Variants in ANK2 observed in about 807,000 individuals in gnomAD.
ANK2 encodes ankyrin-2.
Under a neutral mutation model 360.5 loss-of-function variants are expected in ANK2, and 83 were observed. The ratio of observed to expected loss-of-function variants is 0.23; its 90% CI spans 0.19 to 0.28. The LOEUF is 0.28. Among genes scored for constraint, ANK2 ranks in the 10% least tolerant of loss-of-function variants. The pLI, the probability that ANK2 is intolerant of heterozygous loss-of-function variation, is 1.00. For missense variants in ANK2, 4,201 were observed against 4,795.7 expected, an observed-to-expected ratio of 0.88 and a Z score of 3.66; for synonymous variants, 1,740 against 1,759.5, an observed-to-expected ratio of 0.99 and a Z score of 0.28.
chr4:113,336,401 T>C, intron 30 of ANK2, 176 bp from the exon 31 acceptor site: 1 of 662,988 alleles, frequency 1.5e-6, no homozygotes, highest in Non-Finnish European at 2.5e-6. Flanking sequence ...CTTACAAAAT[T>C]TTATGAGTGC....
chr4:113,022,984 A>G (rs961343744), intron 2 of ANK2, among the ~76,000 whole-genome samples: 1 of 152,126 alleles, frequency 6.6e-6, no homozygotes, highest in African/African-American at 2.4e-5. Context: ...AGTCAAAAAT[A>G]GGTTGAGTGT....
At position 113,244,063 on chromosome 4, in the gene ANK2, A is replaced by G. The variant is rs149850021; in HGVS notation, c.891+1854A>G. ...AAGTCTAACTCCAAATAGACAGTGT[A>G]TCTTCATAAAAAGAGTACTAAGAAA... On this transcript the variant is annotated intron_variant, in intron 9 of 45. Coordinates refer to ENST00000357077, the MANE Select transcript of ANK2 (RefSeq NM_001148.6). 4.0e-3 allele frequency among the ~76,000 whole-genome samples: 617 copies of G among 152,354 alleles called. 5 individuals carry two copies. The highest frequency in any genetic ancestry group is 0.014 in the African/African-American group (582 of 41,586).
the ANK2 span, among the ~76,000 whole-genome samples, chr4:112,730,252 C>CAAAAAA: frequency 7.9e-5 from 4 of 50,900 alleles, no homozygotes; most frequent in African/African-American, 8.4e-5. Flanking sequence ...GACTCTGTCT[C>CAAAAAA]AAAAAAAAAA....
intron 5 of ANK2, among the ~76,000 whole-genome samples, chr4:113,236,193 A>G (rs1361600851): frequency 6.6e-6 from 1 of 151,556 alleles, no homozygotes; most frequent in African/African-American, 2.4e-5. Context: ...TTTTTAATGT[A>G]CTTGTCACCT....
chr4:113,303,602 T>A (rs2075937502), intron 23 of ANK2, among the ~76,000 whole-genome samples: 1 of 152,192 alleles, frequency 6.6e-6, no homozygotes, highest in South Asian at 2.1e-4. Flanking sequence ...CTTTTCTTCA[T>A]TTTGTATTTT....
chr4:112,845,322 G>GT (rs34457976), intron 1 of ANK2, among the ~76,000 whole-genome samples: 72,218 of 147,626 alleles, frequency 0.49, 17,563 homozygotes, highest in Middle Eastern at 0.58. Flanking sequence ...GTACTTAGGT[G>GT]TTTTTTTTTT....
chr4:112,822,572 C>T (rs1012809383), intron 1 of ANK2, among the ~76,000 whole-genome samples: 1 of 151,546 alleles, frequency 6.6e-6, no homozygotes. Flanking sequence ...ATGACAAAAC[C>T]TTGTCTCTAC....
In ANK2 at chr4:113,292,526, G is replaced by C. The variant is rs527573146; in HGVS notation, c.2376+12G>C. Reference sequence around the variant, plus strand: ...ACGCCACCACTGCGGTAAGGCAGACGCCACTGCCCCTCACCACGCTTTCTT... The same window carrying C: ...ACGCCACCACTGCGGTAAGGCAGACCCCACTGCCCCTCACCACGCTTTCTT... On this transcript the variant is annotated intron_variant, in intron 21 of 45. Transcript: ENST00000357077. The C allele has an allele frequency of 5.3e-5, 85 of 1,593,208 alleles. No homozygotes were observed. In the South Asian group the frequency reaches 8.4e-4, roughly 16 times the overall value.
chr4:112,997,542 C>G (rs898198420), intron 2 of ANK2, among the ~76,000 whole-genome samples: 2 of 152,088 alleles, frequency 1.3e-5, no homozygotes, highest in Non-Finnish European at 2.9e-5. Flanking sequence ...GTGTATTTTA[C>G]TCCTTGTAGC....
intron 2 of ANK2, among the ~76,000 whole-genome samples, chr4:112,919,585 A>C (rs1009636850): frequency 2.6e-5 from 4 of 152,114 alleles, no homozygotes; most frequent in Non-Finnish European, 4.4e-5. Flanking sequence ...TATTCTCTTT[A>C]TTTTTCATAA....
chr4:113,381,736 G>A lies in ANK2; in HGVS notation c.*265G>A, dbSNP rs2097177106. ...GTGACCTAACTGGCCTAATTAATGG[G>A]ATACCCCGACATTTCCACTGTTAGC... On this transcript the variant is annotated 3_prime_UTR_variant, in exon 46 of 46. Coordinates refer to ENST00000357077, the MANE Select transcript of ANK2 (RefSeq NM_001148.6). 3 of 1,301,954 alleles carry A rather than the reference G, an allele frequency of 2.3e-6. No individual in the cohort carries two copies. Among genetic ancestry groups the A allele is most frequent in the African/African-American group, 1.5e-5 (1 of 68,090 alleles). 80.7% of individuals were successfully genotyped at this position (1,301,954 alleles called of 1,614,324 possible).
chr4:112,717,805 A>G, the ANK2 span, among the ~76,000 whole-genome samples: 1 of 152,100 alleles, frequency 6.6e-6, no homozygotes, highest in Non-Finnish European at 1.5e-5. Context: ...TTATAAATAT[A>G]AAAAGCTAAA....
At chr4:113,173,003 G>A (rs2153223716) in intron 1 of ANK2, among the ~76,000 whole-genome samples, 1 of 152,316 alleles carries the variant, frequency 6.6e-6, no homozygotes, top group South Asian at 2.1e-4. Context: ...ACAGACTTCA[G>A]GAAGGATGAA....
chr4:113,286,403 A>G (rs1162451033), intron 18 of ANK2, among the ~76,000 whole-genome samples: 2 of 152,216 alleles, frequency 1.3e-5, no homozygotes, highest in Admixed American at 1.3e-4. Context: ...CCAGGCCCAC[A>G]AGGAAAAAGC....
chr4:113,072,055 T>C (rs1470638473), intron 1 of ANK2: 5 of 152,188 alleles, frequency 3.3e-5, no homozygotes, highest in African/African-American at 4.8e-5. Context: ...CTCCATCTGG[T>C]CCCTCCCACG....
At chr4:112,960,748 G>A (rs1365184252) in intron 2 of ANK2, among the ~76,000 whole-genome samples, 2 of 151,890 alleles carry the variant, frequency 1.3e-5, no homozygotes, top group Non-Finnish European at 1.5e-5. Flanking sequence ...CAACTACAGC[G>A]TTTTCATAGT....
intron 4 of ANK2, among the ~76,000 whole-genome samples, chr4:113,206,751 C>T (rs537433893): frequency 6.6e-5 from 10 of 152,222 alleles, no homozygotes; most frequent in Admixed American, 5.9e-4. Flanking sequence ...AGGCTGGGTG[C>T]GGTGACTCAT....
intron 2 of ANK2, among the ~76,000 whole-genome samples, chr4:112,906,552 G>A (rs1252063975): frequency 2.0e-5 from 3 of 152,066 alleles, no homozygotes; most frequent in Non-Finnish European, 4.4e-5. Context: ...AGTGATGGAG[G>A]AGGTGGTCTA....
chr4:113,071,688 C>T (rs1406756764), intron 1 of ANK2: 1 of 152,294 alleles, frequency 6.6e-6, no homozygotes, highest in Non-Finnish European at 1.5e-5. Flanking sequence ...GCTCCTTTCC[C>T]ATTTTGAATA....
Sources: allele counts gnomAD v4.1 joint callset (sites outside exome capture counted in the v4.1 genomes callset), GRCh38; gene constraint gnomAD v4.1.1; transcripts MANE v1.5; gene names NCBI Gene and HGNC (gene_info 2026-07-23, HGNC 2026-07-21).